Variants in SAA2 observed in about 807,000 individuals in gnomAD.
SAA2 encodes the protein serum amyloid A-2 protein.
Under a neutral mutation model 9.1 loss-of-function variants are expected in SAA2, and 5 were observed. That is an observed-to-expected ratio of 0.55 (90% CI 0.29 to 1.16). SAA2 has a LOEUF of 1.16. SAA2 is among the 50% of genes most tolerant of loss of function. The pLI, the probability that SAA2 is intolerant of heterozygous loss-of-function variation, is 0.09. For missense variants in SAA2, 94 were observed against 153.8 expected (o/e 0.61, Z 2.06); for synonymous variants, 49 against 59.8 (o/e 0.82, Z 0.83).
At position 18,245,442 on chromosome 11, in the gene SAA2, T is replaced by A; in HGVS notation, c.304A>T (p.Lys102Ter). 5 of 1,613,114 alleles carry A rather than the reference T, an allele frequency of 3.1e-6. No homozygotes were observed. The highest frequency in any genetic ancestry group is 4.2e-6 in the Non-Finnish European group (5 of 1,179,000). Reference protein sequence around the residue: ...EDSLADQAANKWGRSGRDPNH... With the variant: ...EDSLADQAAN The stretch of plus-strand genomic sequence containing the variant: ...GGGTCTCTGCCACTCCTGCCCCATT[T>A]ATTGGCAGCCTGATCGGCCAGCGAG... Residue 102 changes from lysine to a stop codon, truncating the protein, a stop_gained, in exon 4 of 4, where the codon AAA (lysine) becomes TAA (stop). Transcript: ENST00000256733. LOFTEE classifies it high-confidence loss of function.
At chr11:18,244,995 A>G (rs1041732111), downstream of SAA2, among the ~76,000 whole-genome samples, 1 of 152,226 alleles carries the variant, frequency 6.6e-6, no homozygotes, top group Non-Finnish European at 1.5e-5. Context: ...TTCACAGGAG[A>G]TGAGAAGCCT....
At chr11:18,245,049 G>T (rs758077232), downstream of SAA2, among the ~76,000 whole-genome samples, 3 of 152,154 alleles carry the variant, frequency 2.0e-5, no homozygotes, top group Non-Finnish European at 2.9e-5. Flanking sequence ...AACCACAAAG[G>T]TCTGGAAAAA....
intron 2 of SAA2, among the ~76,000 whole-genome samples, chr11:18,247,427 T>C (rs1413295930): frequency 6.7e-6 from 1 of 149,664 alleles, no homozygotes; most frequent in African/African-American, 2.5e-5. Context: ...TTATTTTGCA[T>C]CTTCTACTCA....
downstream of SAA2, chr11:18,240,350 G>A (rs915426574): frequency 3.3e-5 from 23 of 699,574 alleles, no homozygotes; most frequent in Non-Finnish European, 5.2e-5. Flanking sequence ...ATGGGATGCA[G>A]CCATAAGGCA....
At chr11:18,242,908 A>G (rs1166881956), downstream of SAA2, 2 of 669,880 alleles carry the variant, frequency 3.0e-6, no homozygotes, top group East Asian at 5.5e-5. Context: ...CCTTTCTCAA[A>G]CTTTTCTAAC....
exon 4 of SAA2, chr11:18,239,856 G>A: frequency 6.7e-7 from 1 of 1,487,576 alleles, no homozygotes; most frequent in South Asian, 1.3e-5. Context: ...CCATGGTCTT[G>A]TTAGTGGTGG....
chr11:18,243,433 G>A (rs902496459), downstream of SAA2, among the ~76,000 whole-genome samples: 2 of 152,104 alleles, frequency 1.3e-5, no homozygotes, highest in Non-Finnish European at 2.9e-5. Flanking sequence ...TGTAATAATA[G>A]CATTACAGTC....
chr11:18,243,878 G>A (rs1857419839), downstream of SAA2, among the ~76,000 whole-genome samples: 2 of 152,088 alleles, frequency 1.3e-5, no homozygotes, highest in Admixed American at 1.3e-4. Context: ...TATTTGTGAT[G>A]CTGGAGCTGG....
At chr11:18,238,523 A>T (rs545604769), downstream of SAA2, among the ~76,000 whole-genome samples, 1 of 151,852 alleles carries the variant, frequency 6.6e-6, no homozygotes, top group South Asian at 2.1e-4. Flanking sequence ...CTTTTTAAAA[A>T]TTTTTTGTGG....
downstream of SAA2, among the ~76,000 whole-genome samples, chr11:18,244,886 G>A (rs1466065294): frequency 6.6e-6 from 1 of 152,190 alleles, no homozygotes; most frequent in African/African-American, 2.4e-5. Context: ...AGTCGCTGAG[G>A]CAGGACTTCA....
downstream of SAA2, chr11:18,242,500 A>G: frequency 2.3e-6 from 1 of 428,114 alleles, no homozygotes. Context: ...ACCCTCACAG[A>G]CGACCCCAGA....
chr11:18,248,053 AC>A (rs1762427506), intron 1 of SAA2, 38 bp from the exon 2 acceptor site: 14 of 1,600,976 alleles, frequency 8.7e-6, no homozygotes, highest in Non-Finnish European at 1.2e-5. Flanking sequence ...CGCCCACAAG[AC>A]TGGCACAGCT....
At chr11:18,240,340 A>G (rs1168831962), downstream of SAA2, 20 of 701,926 alleles carry the variant, frequency 2.8e-5, no homozygotes, top group African/African-American at 7.0e-5. Context: ...TTTCTCTTTC[A>G]TGGGATGCAG....
chr11:18,242,696 A>C, downstream of SAA2: 1 of 672,548 alleles, frequency 1.5e-6, no homozygotes, highest in East Asian at 2.8e-5. Flanking sequence ...AAATATAAAA[A>C]TTAGGCAAGT....
At chr11:18,246,115 G>A in intron 2 of SAA2, 67 bp from the exon 3 acceptor site, 1 of 1,504,252 alleles carries the variant, frequency 6.6e-7, no homozygotes, top group Admixed American at 2.0e-5. Context: ...CACCTTAGAG[G>A]GGAATGAAAG....
chr11:18,244,215 G>A (rs11824354), downstream of SAA2, among the ~76,000 whole-genome samples: 414 of 152,320 alleles, frequency 2.7e-3, 1 homozygote, highest in African/African-American at 9.1e-3. Context: ...GTGAGTTGGG[G>A]TTTCAACATA....
At chr11:18,243,469 A>G (rs1322035819), downstream of SAA2, among the ~76,000 whole-genome samples, 3 of 152,190 alleles carry the variant, frequency 2.0e-5, no homozygotes, top group Non-Finnish European at 4.4e-5. Context: ...GGGTCAACTC[A>G]GACTTTACTA....
rs144841641 is a variant in SAA2 at position 18,239,970 on chromosome 11, C to A, written c.231-1G>T. The A allele has an allele frequency of 1.9e-4, 293 of 1,550,948 alleles. No individual in the cohort carries two copies. The African/African-American group carries it at 3.7e-3, about 20-fold the overall frequency. On this transcript the variant is annotated splice_acceptor_variant, in intron 3 of 3. Transcript: ENST00000414546. LOFTEE classifies it high-confidence loss of function. ...TCTCTACAGTTCAGCTGAAAATAAA[C>A]TGACAAAGGCAGATTAATAGGAGAA... is the stretch of plus-strand genomic sequence containing the variant.
At chr11:18,245,585 C>A (rs1857485783) in intron 3 of SAA2, 70 bp from the exon 4 acceptor site, 7 of 1,585,708 alleles carry the variant, frequency 4.4e-6, no homozygotes, top group Non-Finnish European at 6.0e-6. Flanking sequence ...CTCCCATTCT[C>A]CCCGTTCCAA....
Sources: allele counts gnomAD v4.1 joint callset (sites outside exome capture counted in the v4.1 genomes callset), GRCh38; gene constraint gnomAD v4.1.1; transcripts MANE v1.5; gene names NCBI Gene and HGNC (gene_info 2026-07-23, HGNC 2026-07-21).